CNTN3: variants seen among roughly 807,000 people sequenced by gnomAD.
The protein encoded by CNTN3 is contactin-3.
A neutral mutation model predicts 119.1 loss-of-function variants in CNTN3; 60 were observed. The ratio of observed to expected loss-of-function variants is 0.50; its 90% confidence interval spans 0.41 to 0.62. CNTN3 has a LOEUF of 0.62. CNTN3 is among the 20% of genes least tolerant of loss of function. The pLI, the probability that CNTN3 is intolerant of heterozygous loss-of-function variation, is 0.00. For synonymous variants in CNTN3, 450 were observed against 438.7 expected (o/e 1.03, Z -0.32); for missense variants, 1,101 against 1,242.4 (o/e 0.89, Z 1.71).
intron 1 of CNTN3, among the ~76,000 whole-genome samples, chr3:74,534,870 A>C (rs1158293330): frequency 6.6e-6 from 1 of 152,034 alleles, no homozygotes. Context: ...GCACCAACCT[A>C]AATACTTAAA....
At chr3:74,391,963 C>T (rs1347351133) in intron 5 of CNTN3, among the ~76,000 whole-genome samples, 3 of 152,076 alleles carry the variant, frequency 2.0e-5, no homozygotes, top group Non-Finnish European at 4.4e-5. Context: ...CAGACTCCCA[C>T]ACTTAGAGTC....
chr3:74,398,736 C>A (rs1279588414), intron 5 of CNTN3, among the ~76,000 whole-genome samples: 1 of 152,160 alleles, frequency 6.6e-6, no homozygotes, highest in East Asian at 1.9e-4. Context: ...AGAAGTCATA[C>A]TATTAGCCAG....
chr3:74,492,777 A>G (rs532599371), intron 3 of CNTN3, among the ~76,000 whole-genome samples: 18 of 152,134 alleles, frequency 1.2e-4, no homozygotes, highest in African/African-American at 3.9e-4. Flanking sequence ...GTGTGTGTGT[A>G]TGTGTGTGCC....
At chr3:74,335,027 T>C in intron 12 of CNTN3, 117 bp from the exon 13 acceptor site, 1 of 610,258 alleles carries the variant, frequency 1.6e-6, no homozygotes. Context: ...TATACATAAA[T>C]ATACATACAT....
intron 16 of CNTN3, among the ~76,000 whole-genome samples, chr3:74,300,208 C>T (rs1347023665): frequency 6.6e-6 from 1 of 151,986 alleles, no homozygotes; most frequent in Admixed American, 6.5e-5. Flanking sequence ...AGATACTTTG[C>T]TAGTATGAGA....
intron 1 of CNTN3, among the ~76,000 whole-genome samples, chr3:74,578,754 G>A (rs1277915718): frequency 1.3e-5 from 2 of 152,020 alleles, no homozygotes; most frequent in East Asian, 1.9e-4. Flanking sequence ...CTGTGAATTC[G>A]TCCCTTCCTC....
chr3:74,539,365 G>A (rs558205862), intron 1 of CNTN3, among the ~76,000 whole-genome samples: 2 of 152,184 alleles, frequency 1.3e-5, no homozygotes, highest in African/African-American at 2.4e-5. Context: ...CCATTGATGA[G>A]GGTGTTTAAT....
intron 20 of CNTN3, 119 bp downstream of exon 20, chr3:74,285,186 G>T: frequency 8.9e-7 from 1 of 1,119,178 alleles, no homozygotes; most frequent in Non-Finnish European, 1.3e-6. Context: ...TTTGGAGTTA[G>T]GTTTATATAA....
chr3:74,476,875 C>T (rs1037245136), intron 4 of CNTN3, among the ~76,000 whole-genome samples: 4 of 151,794 alleles, frequency 2.6e-5, no homozygotes, highest in African/African-American at 9.7e-5. Flanking sequence ...AAGCAGTTAA[C>T]ATGGAAGAAC....
chr3:74,495,531 G>A (rs1459098499), intron 3 of CNTN3, among the ~76,000 whole-genome samples: 2 of 151,916 alleles, frequency 1.3e-5, no homozygotes, highest in African/African-American at 4.8e-5. Context: ...AGTACTCTGT[G>A]TGCCTAGATA....
At chr3:74,456,123 G>A (rs1351924625) in intron 4 of CNTN3, among the ~76,000 whole-genome samples, 1 of 152,000 alleles carries the variant, frequency 6.6e-6, no homozygotes, top group Non-Finnish European at 1.5e-5. Context: ...GGCTTGAACA[G>A]GCATATAGCA....
intron 1 of CNTN3, among the ~76,000 whole-genome samples, chr3:74,589,670 C>T (rs868407436): frequency 1.4e-4 from 20 of 147,964 alleles, no homozygotes; most frequent in East Asian, 2.0e-4. Flanking sequence ...ATGTTTATTG[C>T]GGCACTATTC....
intron 9 of CNTN3, 115 bp downstream of exon 9, chr3:74,365,451 A>AACTCAACGC: frequency 7.4e-7 from 1 of 1,344,028 alleles, no homozygotes; most frequent in Non-Finnish European, 1.1e-6. Context: ...AAAGTGTGCA[A>AACTCAACGC]ACTCAACAGT....
chr3:74,543,915 A>G (rs184702913), intron 1 of CNTN3, among the ~76,000 whole-genome samples: 2 of 152,334 alleles, frequency 1.3e-5, no homozygotes, highest in Admixed American at 1.3e-4. Context: ...TTTCCAGTTT[A>G]AAAGAAGGCC....
chr3:74,494,711 T>C (rs1703028520), intron 3 of CNTN3, among the ~76,000 whole-genome samples: 1 of 152,132 alleles, frequency 6.6e-6, no homozygotes, highest in African/African-American at 2.4e-5. Flanking sequence ...TTTTCCACCT[T>C]TTTACCTTTA....
chr3:74,330,094 G>A (rs949622778), intron 13 of CNTN3, among the ~76,000 whole-genome samples: 1 of 152,158 alleles, frequency 6.6e-6, no homozygotes, highest in African/African-American at 2.4e-5. Context: ...AGTGCCTCAT[G>A]CCTGTAATCC....
At chr3:74,383,751 C>G (rs1704680735) in intron 5 of CNTN3, among the ~76,000 whole-genome samples, 1 of 152,284 alleles carries the variant, frequency 6.6e-6, no homozygotes, top group South Asian at 2.1e-4. Flanking sequence ...TCCCAAAGTG[C>G]TGGGATTATA....
chr3:74,606,675 A>C (rs1357002546), intron 1 of CNTN3, among the ~76,000 whole-genome samples: 2 of 152,188 alleles, frequency 1.3e-5, no homozygotes, highest in Non-Finnish European at 2.9e-5. Flanking sequence ...GCAACAGACA[A>C]TTATGGCACT....
intron 1 of CNTN3, among the ~76,000 whole-genome samples, chr3:74,535,717 C>A (rs1703754830): frequency 6.6e-6 from 1 of 152,078 alleles, no homozygotes; most frequent in African/African-American, 2.4e-5. Context: ...AGACCCTGGA[C>A]TTCCAGAGTT....
Sources: allele counts gnomAD v4.1 joint callset (sites outside exome capture counted in the v4.1 genomes callset), GRCh38; gene constraint gnomAD v4.1.1; transcripts MANE v1.5; gene names NCBI Gene and HGNC (gene_info 2026-07-23, HGNC 2026-07-21).